Variants in PKHD1 observed in about 807,000 individuals in gnomAD.
PKHD1 encodes fibrocystin.
Under a neutral mutation model 412.0 loss-of-function variants are expected in PKHD1, and 291 were observed. The observed-to-expected ratio is 0.71, with a 90% CI of 0.64 to 0.78. PKHD1 has a LOEUF of 0.78. Among genes scored for constraint, PKHD1 ranks in the 30% least tolerant of loss-of-function variants. The pLI is 0.00. For synonymous variants in PKHD1, 1,777 were observed against 1,821.5 expected (o/e 0.98, Z 0.62); for missense variants, 4,825 against 4,950.7 (o/e 0.97, Z 0.76).
In PKHD1 at chr6:51,906,245, A is replaced by G; in HGVS notation, c.6778T>C (p.Tyr2260His). ...AGCAGCGCATGACCTAAAATATTGT[A>G]GAATACATTACTGTCCACCTTCAGG... ...LGLKVDSNVF[Y>H]NILGHALLVG... Residue 2260 changes from tyrosine (Y) to histidine (H), a missense_variant, in exon 41 of 67, where the codon TAC (tyrosine) becomes CAC (histidine). Tyr to His is a moderately conservative substitution (Grantham distance 83, BLOSUM62 2). Transcript: ENST00000371117. 1 of 1,612,032 alleles carries G rather than the reference A, an allele frequency of 6.2e-7. No homozygotes were observed. The highest frequency in any genetic ancestry group is 1.1e-5 in the South Asian group (1 of 91,052).
chr6:51,925,288 A>G (rs535336322), intron 37 of PKHD1, among the ~76,000 whole-genome samples: 1 of 152,340 alleles, frequency 6.6e-6, no homozygotes, highest in South Asian at 2.1e-4. Context: ...GCTTTGTGTC[A>G]AGATGAGAGG....
rs6918300 is a variant in PKHD1 at position 52,067,898 on chromosome 6, A to G, written c.778+1559T>C. 3.5e-3 allele frequency among the ~76,000 whole-genome samples: 538 copies of G among 152,278 alleles called. 2 individuals are homozygous for G. The highest frequency in any genetic ancestry group is 0.012 in the African/African-American group (499 of 41,556). On this transcript the variant is annotated intron_variant, in intron 11 of 66. Transcript: ENST00000371117. ...TGCATCAGATATATGCTTGATGTAG[A>G]GAAAGCCAGGGAGGGGCTTGAAGGG...
At chr6:51,666,542 A>T (rs1182114843) in intron 60 of PKHD1, among the ~76,000 whole-genome samples, 2 of 152,024 alleles carry the variant, frequency 1.3e-5, no homozygotes, top group African/African-American at 2.4e-5. Flanking sequence ...AATGTTTATA[A>T]TTTTTTTTTA....
chr6:51,687,751 T>C (rs1290610464), intron 60 of PKHD1, among the ~76,000 whole-genome samples: 1 of 152,240 alleles, frequency 6.6e-6, no homozygotes, highest in Non-Finnish European at 1.5e-5. Context: ...CATGATGTTC[T>C]TGTCATAACA....
At position 51,737,465 on chromosome 6, in the gene PKHD1, C is replaced by T. The variant is rs369845899; in HGVS notation, c.10156+6920G>A. 2.6e-5 allele frequency among the ~76,000 whole-genome samples: 4 copies of T among 151,996 alleles called. No individual in the cohort carries two copies. The South Asian group carries it at 6.2e-4, about 24-fold the overall frequency. The stretch of plus-strand genomic sequence containing the variant: ...TCAAATAATTAAGATTGTAAATATT[C>T]CTGAATCTTTTTAGCTAATGTTCTT... On this transcript the variant is annotated intron_variant, in intron 60 of 66. Transcript: ENST00000371117.
intron 35 of PKHD1, among the ~76,000 whole-genome samples, chr6:51,995,899 G>T (rs572691402): frequency 6.6e-6 from 1 of 152,166 alleles, no homozygotes; most frequent in Admixed American, 6.5e-5. Flanking sequence ...CATAGTTTTT[G>T]GTTGTCTCTC....
chr6:51,812,429 G>A (rs551978250), intron 52 of PKHD1, among the ~76,000 whole-genome samples: 1 of 152,274 alleles, frequency 6.6e-6, no homozygotes, highest in African/African-American at 2.4e-5. Flanking sequence ...CTCAGGCCAC[G>A]ATGGGAAGGA....
intron 2 of PKHD1, 51 bp downstream of exon 2, chr6:52,084,831 G>T: frequency 9.1e-7 from 1 of 1,098,868 alleles, no homozygotes; most frequent in Non-Finnish European, 1.4e-6. Context: ...AGTTCTCAAG[G>T]TAACCTATTG....
intron 27 of PKHD1, among the ~76,000 whole-genome samples, chr6:52,039,767 G>T (rs1804542549): frequency 6.6e-6 from 1 of 152,086 alleles, no homozygotes; most frequent in African/African-American, 2.4e-5. Flanking sequence ...ATACCCAAAA[G>T]AACTGAAAGC....
intron 60 of PKHD1, among the ~76,000 whole-genome samples, chr6:51,706,363 C>G (rs1238284200): frequency 1.3e-5 from 2 of 151,928 alleles, no homozygotes; most frequent in East Asian, 3.9e-4. Flanking sequence ...ATGCTTCCAA[C>G]CTGTCTAAGA....
At chr6:51,910,793 T>C (rs1001683192) in intron 39 of PKHD1, among the ~76,000 whole-genome samples, 1 of 152,136 alleles carries the variant, frequency 6.6e-6, no homozygotes, top group South Asian at 2.1e-4. Context: ...ACATTCTTTT[T>C]AGAATGACAC....
At chr6:51,776,053 T>C (rs1279010537) in intron 53 of PKHD1, 132 bp from the exon 54 acceptor site, 2 of 608,860 alleles carry the variant, frequency 3.3e-6, no homozygotes, top group African/African-American at 3.7e-5. Context: ...TCAATGGTCA[T>C]GCAGATGAAA....
intron 48 of PKHD1, among the ~76,000 whole-genome samples, chr6:51,864,004 T>A (rs989642492): frequency 1.3e-5 from 2 of 152,108 alleles, no homozygotes; most frequent in Admixed American, 1.3e-4. Flanking sequence ...GCAGGTGCTA[T>A]AAGTACTGAT....
intron 64 of PKHD1, among the ~76,000 whole-genome samples, chr6:51,634,074 A>G (rs1180177322): frequency 6.6e-6 from 1 of 152,030 alleles, no homozygotes; most frequent in Non-Finnish European, 1.5e-5. Flanking sequence ...AAAAAAAAAA[A>G]CTTGTTTATG....
At chr6:51,687,234 C>T (rs1215102147) in intron 60 of PKHD1, among the ~76,000 whole-genome samples, 3 of 151,816 alleles carry the variant, frequency 2.0e-5, no homozygotes, top group Non-Finnish European at 4.4e-5. Context: ...AGAAAGTACT[C>T]TATGAAGATA....
chr6:51,978,344 T>C (rs761557289), intron 35 of PKHD1, among the ~76,000 whole-genome samples: 3 of 152,098 alleles, frequency 2.0e-5, no homozygotes, highest in Non-Finnish European at 4.4e-5. Flanking sequence ...TCAAAACACA[T>C]CATAAGATAA....
In PKHD1 at chr6:51,870,597, A is replaced by G; in HGVS notation, c.7393T>C (p.Trp2465Arg). The G allele has an allele frequency of 6.2e-7, 1 of 1,609,470 alleles. No individual in the cohort carries two copies. Among genetic ancestry groups the G allele is most frequent in the East Asian group, 2.2e-5 (1 of 44,828 alleles). ...GTTGTGTTAGACACCATCAGTTCCCATCTTTTAGGAGTTTTAATCCCAGAT... is the reference window on the plus strand; with the variant it reads ...GTTGTGTTAGACACCATCAGTTCCCGTCTTTTAGGAGTTTTAATCCCAGAT... ...MSSGIKTPKR[W>R]ELMVSNTTFV... The change falls in exon 47 of 67, where the codon TGG becomes CGG. Residue 2465 changes from tryptophan (W) to arginine (R), a missense_variant. Transcript: ENST00000371117.
Position 52,055,631 on chromosome 6 carries a change from G to C in PKHD1, c.1792C>G (p.Pro598Ala). Reference protein sequence around the residue: ...LRQPRHLVLTPPAAQKGYRLD... With the variant: ...LRQPRHLVLTAPAAQKGYRLD... Reference sequence around the variant, plus strand: ...CGATAGCCCTTCTGGGCAGCCGGGGGAGTAAGGACAAGGTGTCGAGGCTGA... The same window carrying C: ...CGATAGCCCTTCTGGGCAGCCGGGGCAGTAAGGACAAGGTGTCGAGGCTGA... Residue 598 changes from proline to alanine, a missense_variant, in exon 19 of 67, where the codon CCC becomes GCC. Pro to Ala is a conservative substitution (Grantham distance 27). Transcript: ENST00000371117. 1 of 1,613,998 alleles carries C rather than the reference G, an allele frequency of 6.2e-7. No individual in the cohort carries two copies. The highest frequency in any genetic ancestry group is 8.5e-7 in the Non-Finnish European group (1 of 1,179,902).
intron 52 of PKHD1, among the ~76,000 whole-genome samples, chr6:51,808,378 T>C (rs1764169068): frequency 6.6e-6 from 1 of 152,162 alleles, no homozygotes; most frequent in African/African-American, 2.4e-5. Context: ...AAATTTTCAA[T>C]GAGCAATCTT....
Sources: gnomAD v4.1 joint callset for allele counts (sites outside exome capture counted in the v4.1 genomes callset) on GRCh38, gnomAD v4.1.1 for gene constraint, MANE v1.5 for transcripts, NCBI Gene and HGNC (gene_info 2026-07-23, HGNC 2026-07-21) for gene names.